Variants in DDHD2 observed in about 807,000 individuals in gnomAD.
DDHD2 encodes the protein DDHD domain containing 2, also known as triacylglycerol hydrolase DDHD2.
A neutral mutation model predicts 91.2 loss-of-function variants in DDHD2; 62 were observed. The observed-to-expected ratio is 0.68, with a 90% confidence interval of 0.55 to 0.84. The LOEUF (loss-of-function observed/expected upper bound fraction) is 0.84, where lower values mean the gene tolerates loss of function less well. Ranked by LOEUF, DDHD2 falls within the 40% of genes least tolerant of loss-of-function variation. DDHD2 has a pLI of 0.00. For synonymous variants in DDHD2, 271 were observed against 293.9 expected (o/e 0.92, Z 0.80); for missense variants, 740 against 846.9 (o/e 0.87, Z 1.57).
chr8:38,267,145 AGG>A (rs940030700), downstream of DDHD2: 5 of 1,572,010 alleles, frequency 3.2e-6, no homozygotes, highest in Non-Finnish European at 4.3e-6. Flanking sequence ...TTACTAAAGA[AGG>A]GGGGATTTTC....
At chr8:38,256,655 T>G (rs1001005986) in intron 16 of DDHD2, among the ~76,000 whole-genome samples, 2 of 152,218 alleles carry the variant, frequency 1.3e-5, no homozygotes, top group Non-Finnish European at 2.9e-5. Context: ...CTGAGTAGTA[T>G]TCCATTATAT....
At chr8:38,263,560 C>T (rs1368500482), downstream of DDHD2, 1 of 985,118 alleles carries the variant, frequency 1.0e-6, no homozygotes, top group African/African-American at 1.7e-5. Flanking sequence ...TTGTTTATGC[C>T]CACGGTGTTC....
chr8:38,268,475 TC>T (rs777199065), intron 1 of DDHD2: 3 of 1,559,584 alleles, frequency 1.9e-6, no homozygotes, highest in South Asian at 2.4e-5. Flanking sequence ...AATCAGAATG[TC>T]AGAGGTTAAA....
downstream of DDHD2, chr8:38,263,859 A>T: frequency 2.0e-6 from 2 of 985,288 alleles, no homozygotes; most frequent in Non-Finnish European, 2.4e-6. Flanking sequence ...AATTAAATGT[A>T]AAAACACTGT....
At chr8:38,270,557 CAAGT>C (rs1490337374) in intron 1 of DDHD2, 1 of 152,122 alleles carries the variant, frequency 6.6e-6, no homozygotes, top group Non-Finnish European at 1.5e-5. Context: ...TAATGACAAC[CAAGT>C]AAGTTTTATC....
intron 3 of DDHD2, among the ~76,000 whole-genome samples, chr8:38,237,082 A>T (rs1301912091): frequency 6.6e-6 from 1 of 152,132 alleles, no homozygotes; most frequent in African/African-American, 2.4e-5. Flanking sequence ...ATTTCAAAAT[A>T]ATTTAAAAAT....
At position 38,245,737 on chromosome 8, in the gene DDHD2, T is replaced by G. The variant is rs372085366; in HGVS notation, c.849-5T>G. 6 of 1,613,534 alleles carry G rather than the reference T, an allele frequency of 3.7e-6. No individual in the cohort carries two copies. The South Asian group carries it at 5.5e-5, about 15-fold the overall frequency. ...TCCTGCTTATATTATTTTTCCTTTT[T>G]TCAGAGATCTGCAGCGAATAACCCT... On this transcript the variant is annotated splice_region_variant and splice_polypyrimidine_tract_variant and intron_variant, in intron 7 of 17. Transcript: ENST00000397166.
chr8:38,240,576 AT>A (rs1805173261), intron 6 of DDHD2, among the ~76,000 whole-genome samples: 1 of 152,262 alleles, frequency 6.6e-6, no homozygotes, highest in African/African-American at 2.4e-5. Flanking sequence ...ATAGTCTCAA[AT>A]GAACAAGCAG....
intron 1 of DDHD2, chr8:38,269,155 G>A: frequency 6.6e-7 from 1 of 1,513,258 alleles, no homozygotes; most frequent in Non-Finnish European, 8.8e-7. Context: ...CGAGCCGCAC[G>A]CCCACTTCGG....
chr8:38,267,295 T>G (rs376703199), downstream of DDHD2: 11 of 1,613,906 alleles, frequency 6.8e-6, no homozygotes, highest in African/African-American at 1.2e-4. Flanking sequence ...GGAAGCTCTT[T>G]CGGCCCTCAT....
chr8:38,249,644 C>G (rs1805947463), intron 10 of DDHD2, 64 bp from the exon 11 acceptor site: 4 of 1,196,892 alleles, frequency 3.3e-6, no homozygotes, highest in Non-Finnish European at 4.8e-6. Flanking sequence ...CCTTGTTCCT[C>G]TTAGGGGACA....
At chr8:38,271,759 CCT>C (rs1808489896), downstream of DDHD2, 1 of 152,188 alleles carries the variant, frequency 6.6e-6, no homozygotes, top group South Asian at 2.1e-4. Context: ...TTTCCAATGT[CCT>C]TTTTCTCATA....
chr8:38,236,248 G>A lies in DDHD2; in HGVS notation c.412-1290G>A, dbSNP rs530207155. On this transcript the variant is annotated intron_variant, in intron 3 of 17. Coordinates refer to ENST00000397166, the MANE Select transcript of DDHD2 (RefSeq NM_015214.3). ...AGGATGGTCTCAAGCTCCTGACCTC[G>A]TGATCCGCCCGCCTCGGCCTCCCAA... 8.0e-4 allele frequency among the ~76,000 whole-genome samples: 121 copies of A among 152,080 alleles called. 1 individual carries two copies. Among genetic ancestry groups the A allele is most frequent in the African/African-American group, 2.6e-3 (110 of 41,520 alleles).
chr8:38,249,190 G>GCAAGGGGA (rs1805907413), intron 10 of DDHD2, among the ~76,000 whole-genome samples: 1 of 151,774 alleles, frequency 6.6e-6, no homozygotes, highest in Non-Finnish European at 1.5e-5. Flanking sequence ...TCGGCTCACT[G>GCAAGGGGA]CAAGCTCTGC....
chr8:38,260,187 A>G, intron 17 of DDHD2, 40 bp downstream of exon 17: 2 of 1,128,822 alleles, frequency 1.8e-6, no homozygotes, highest in African/African-American at 1.5e-5. Context: ...TAATTCTTAC[A>G]TATTAACATG....
intron 16 of DDHD2, 110 bp downstream of exon 16, chr8:38,253,828 T>C: frequency 8.6e-7 from 1 of 1,169,552 alleles, no homozygotes; most frequent in South Asian, 1.5e-5. Context: ...GCTTATAATC[T>C]CAGCACTTTG....
At chr8:38,254,075 CA>C (rs76331678) in intron 16 of DDHD2, among the ~76,000 whole-genome samples, 252 of 133,170 alleles carry the variant, frequency 1.9e-3, no homozygotes, top group Middle Eastern at 0.012. Flanking sequence ...GACCCTGTCT[CA>C]AAAAAAAAAA....
At chr8:38,240,694 T>C (rs972826478) in intron 6 of DDHD2, among the ~76,000 whole-genome samples, 1 of 152,202 alleles carries the variant, frequency 6.6e-6, no homozygotes, top group Non-Finnish European at 1.5e-5. Context: ...AACAGAAGCA[T>C]CAATCATTTT....
intron 11 of DDHD2, chr8:38,250,765 C>T (rs1806050160): frequency 6.6e-6 from 1 of 152,086 alleles, no homozygotes; most frequent in Non-Finnish European, 1.5e-5. Flanking sequence ...ACCATTACCA[C>T]TATCCAATTT....
Sources: allele counts gnomAD v4.1 joint callset (sites outside exome capture counted in the v4.1 genomes callset), GRCh38; gene constraint gnomAD v4.1.1; transcripts MANE v1.5; gene names NCBI Gene and HGNC (gene_info 2026-07-23, HGNC 2026-07-21).